The following USO1 variants were observed in gnomAD, a reference collection of about 807,000 sequenced individuals.
USO1 encodes the protein USO1 vesicle transport factor.
Under a neutral mutation model 124.5 loss-of-function variants are expected in USO1, and 57 were observed. The ratio of observed to expected loss-of-function variants is 0.46; its 90% confidence interval spans 0.37 to 0.57. The LOEUF is 0.57. Among genes scored for constraint, USO1 ranks in the 20% least tolerant of loss-of-function variants. USO1 has a pLI of 0.00. For missense variants in USO1, 900 were observed against 1,040.6 expected, an observed-to-expected ratio of 0.86 and a Z score of 1.86; for synonymous variants, 369 against 362.8, an observed-to-expected ratio of 1.02 and a Z score of -0.19.
At position 75,797,864 on chromosome 4, in the gene USO1, A is replaced by G. The variant is rs187555024; in HGVS notation, c.1453-1758A>G. 2.4e-4 allele frequency among the ~76,000 whole-genome samples: 37 copies of G among 152,138 alleles called. No homozygotes were observed. The East Asian group carries it at 6.4e-3, about 26-fold the overall frequency. On this transcript the variant is annotated intron_variant, in intron 13 of 23. Transcript: ENST00000514213. ...ACCATGTTCGTCAGGCTGGTCTCGA[A>G]CTCTGGACCTCAGGTGATCCAACGC...
chr4:75,752,324 T>G, intron 1 of USO1, 49 bp from the exon 2 acceptor site: 2 of 397,700 alleles, frequency 5.0e-6, no homozygotes. Flanking sequence ...GGACAAAAAT[T>G]TCACGGTTTT....
In USO1 at chr4:75,806,396, T is replaced by A. The variant is rs571373035; in HGVS notation, c.2290-90T>A. 5 of 1,471,772 alleles carry A rather than the reference T, an allele frequency of 3.4e-6. No homozygotes were observed. The East Asian group carries it at 1.3e-4, about 37-fold the overall frequency. 91.2% of individuals were successfully genotyped at this position (1,471,772 alleles called of 1,614,324 possible). The stretch of plus-strand genomic sequence containing the variant: ...GTGTGAATTTTTTGGTAAGCACATA[T>A]GATATAGTTTATATGTGTACAGTTC... On this transcript the variant is annotated intron_variant, in intron 19 of 23. Transcript: ENST00000514213.
chr4:75,756,101 G>A (rs1427171089), intron 3 of USO1, among the ~76,000 whole-genome samples: 3 of 151,412 alleles, frequency 2.0e-5, no homozygotes, highest in Non-Finnish European at 4.4e-5. Flanking sequence ...ACCCAGGAGG[G>A]GGAGCTTGCA....
At chr4:75,803,480 T>G (rs1471709873) in intron 17 of USO1, among the ~76,000 whole-genome samples, 1 of 151,868 alleles carries the variant, frequency 6.6e-6, no homozygotes, top group Non-Finnish European at 1.5e-5. Flanking sequence ...AAACCCCATC[T>G]CTACTAAAAA....
At chr4:75,765,985 C>T (rs2149164440) in intron 4 of USO1, among the ~76,000 whole-genome samples, 1 of 152,148 alleles carries the variant, frequency 6.6e-6, no homozygotes, top group East Asian at 1.9e-4. Context: ...TGTTTTTTAT[C>T]CTTTATCCTC....
At chr4:75,807,751 TA>T (rs1344313583) in intron 20 of USO1, among the ~76,000 whole-genome samples, 1 of 152,180 alleles carries the variant, frequency 6.6e-6, no homozygotes, top group Non-Finnish European at 1.5e-5. Context: ...CCTTAGTTTG[TA>T]AATTCTAAGT....
At chr4:75,763,234 A>C (rs1373986244) in intron 4 of USO1, among the ~76,000 whole-genome samples, 2 of 152,216 alleles carry the variant, frequency 1.3e-5, no homozygotes, top group African/African-American at 2.4e-5. Flanking sequence ...CAGGCCTGAA[A>C]ACTATCCAGA....
At chr4:75,766,446 C>G (rs1721771250) in intron 4 of USO1, among the ~76,000 whole-genome samples, 1 of 152,186 alleles carries the variant, frequency 6.6e-6, no homozygotes. Context: ...CGTCTGGAGA[C>G]ATTTTTGGTT....
chr4:75,774,711 T>C lies in USO1; in HGVS notation c.591T>C (p.Asn197=). ...TACTGCAGGCACTAACAAGAAGCAA[T>C]GGTGCAATCCAGAAAATTGTTGCTT... is the stretch of plus-strand genomic sequence containing the variant. ...VLLLQALTRS[N]GAIQKIVAFE... is the part of the protein sequence containing the mutation. The change falls in exon 8 of 24, where the codon AAT becomes AAC. Residue 197 remains asparagine (N), a synonymous_variant. Transcript: ENST00000514213. 6.2e-7 allele frequency: 1 copy of C among 1,613,602 alleles called. No homozygotes were observed. Among genetic ancestry groups the C allele is most frequent in the Non-Finnish European group, 8.5e-7 (1 of 1,179,644 alleles).
At chr4:75,778,982 G>A (rs905906963) in intron 8 of USO1, among the ~76,000 whole-genome samples, 3 of 152,078 alleles carry the variant, frequency 2.0e-5, no homozygotes, top group Non-Finnish European at 2.9e-5. Context: ...CCAACAGCAC[G>A]CCCTCACTTC....
chr4:75,771,899 G>A (rs892034404), intron 7 of USO1, among the ~76,000 whole-genome samples: 5 of 152,112 alleles, frequency 3.3e-5, no homozygotes, highest in Admixed American at 1.3e-4. Context: ...CTGGAGCTAG[G>A]AGATCATATC....
chr4:75,790,808 T>G lies in USO1; in HGVS notation c.1240+11T>G. ...CTTCTACCATTGATGGTAAATAATT[T>G]AGTTCTAATTTTTATTTGAAAAAGT... On this transcript the variant is annotated intron_variant, in intron 12 of 23. Coordinates refer to ENST00000514213, the MANE Select transcript of USO1 (RefSeq NM_003715.4). The G allele has an allele frequency of 6.4e-7, 1 of 1,552,070 alleles. No individual in the cohort carries two copies. The highest frequency in any genetic ancestry group is 8.7e-7 in the Non-Finnish European group (1 of 1,153,282).
intron 1 of USO1, among the ~76,000 whole-genome samples, chr4:75,731,872 G>GA (rs1182880050): frequency 6.6e-6 from 1 of 151,992 alleles, no homozygotes; most frequent in Non-Finnish European, 1.5e-5. Context: ...AAAGAATTGT[G>GA]AAAAAATACT....
chr4:75,725,617 T>TAAAA (rs5859473), intron 1 of USO1, among the ~76,000 whole-genome samples: 1 of 146,332 alleles, frequency 6.8e-6, no homozygotes, highest in Non-Finnish European at 1.5e-5. Context: ...CGGCGTTATT[T>TAAAA]AAAAAAAAAA....
chr4:75,767,698 A>G (rs767747113), intron 4 of USO1, among the ~76,000 whole-genome samples: 1 of 152,192 alleles, frequency 6.6e-6, no homozygotes, highest in Non-Finnish European at 1.5e-5. Context: ...TAATGGGTGT[A>G]TTTTTGGTCT....
intron 22 of USO1, among the ~76,000 whole-genome samples, chr4:75,811,714 A>G (rs1358166777): frequency 1.3e-5 from 2 of 152,216 alleles, no homozygotes; most frequent in Non-Finnish European, 2.9e-5. Context: ...TTATTTTTAA[A>G]CCATAGATTT....
At position 75,724,857 on chromosome 4, in the gene USO1, C is replaced by G; in HGVS notation, c.38C>G (p.Ala13Gly). ...CGCGGGGTAATGGGGGGTCAGAGTG[C>G]CGGACCCCAGCACACAGAAGCCGAG... ...FLRGVMGGQS[A>G]GPQHTEAETI... The change falls in exon 1 of 24, where the codon GCC becomes GGC. Residue 13 changes from alanine to glycine, a missense_variant. Transcript: ENST00000514213. 2 of 1,613,678 alleles carry G rather than the reference C, an allele frequency of 1.2e-6. No individual in the cohort carries two copies. The highest frequency in any genetic ancestry group is 1.7e-6 in the Non-Finnish European group (2 of 1,179,710).
intron 1 of USO1, among the ~76,000 whole-genome samples, chr4:75,748,946 A>C (rs1484156315): frequency 6.6e-6 from 1 of 151,454 alleles, no homozygotes; most frequent in Non-Finnish European, 1.5e-5. Flanking sequence ...CTAAGTAGTA[A>C]AAAAAATATA....
intron 9 of USO1, among the ~76,000 whole-genome samples, chr4:75,784,930 A>T (rs1722317847): frequency 6.6e-6 from 1 of 152,216 alleles, no homozygotes; most frequent in African/African-American, 2.4e-5. Flanking sequence ...TCTGTAGCTT[A>T]GTAAAGCTTT....
Sources: allele counts gnomAD v4.1 joint callset (sites outside exome capture counted in the v4.1 genomes callset), GRCh38; gene constraint gnomAD v4.1.1; transcripts MANE v1.5; gene names NCBI Gene and HGNC (gene_info 2026-07-23, HGNC 2026-07-21).